The following EP300 variants were observed in gnomAD, a reference collection of about 807,000 sequenced individuals.
The protein encoded by EP300 is histone acetyltransferase p300.
EP300 carries 31 observed loss-of-function variants against 264.0 expected under a neutral mutation model. That is an observed-to-expected ratio of 0.12 (90% CI 0.09 to 0.16). The LOEUF is 0.16. Among genes scored for constraint, EP300 ranks in the 10% least tolerant of loss-of-function variants. The pLI, the probability that EP300 is intolerant of heterozygous loss-of-function variation, is 1.00. For synonymous variants in EP300, 1,340 were observed against 1,045.4 expected, an observed-to-expected ratio of 1.28 and a Z score of -5.44; for missense variants, 2,766 against 3,052.9, an observed-to-expected ratio of 0.91 and a Z score of 2.21.
chr22:41,135,391 T>C (rs1267097031), intron 6 of EP300, among the ~76,000 whole-genome samples: 2 of 152,184 alleles, frequency 1.3e-5, no homozygotes, highest in African/African-American at 4.8e-5. Flanking sequence ...TGTACTTTTA[T>C]ATATATGCAC....
intron 6 of EP300, among the ~76,000 whole-genome samples, chr22:41,131,917 G>T (rs2058922054): frequency 6.6e-6 from 1 of 151,842 alleles, no homozygotes. Flanking sequence ...GTGTAGACGG[G>T]CCGGGCATGG....
rs1444879613 is a variant in EP300 at position 41,127,733 on chromosome 22, G to C, written c.1153G>C (p.Gly385Arg). 6.2e-7 allele frequency: 1 copy of C among 1,614,234 alleles called. No individual in the cohort carries two copies. Among genetic ancestry groups the C allele is most frequent in the Non-Finnish European group, 8.5e-7 (1 of 1,180,048 alleles). ...AAACCACATGACACACTGCCAGTCA[G>C]GCAAGTCTTGCCAAGGTAAGTGGAC... is the stretch of plus-strand genomic sequence containing the variant. ...VLNHMTHCQS[G>R]KSCQVAHCAS... Residue 385 changes from glycine (G) to arginine (R), a missense_variant, in exon 4 of 31, where the codon GGC becomes CGC. Transcript: ENST00000263253.
chr22:41,113,408 T>A (rs2058804764), intron 1 of EP300, among the ~76,000 whole-genome samples: 1 of 152,210 alleles, frequency 6.6e-6, no homozygotes, highest in Non-Finnish European at 1.5e-5. Context: ...TACATTCCTA[T>A]TTCCTGTTTC....
intron 14 of EP300, 140 bp downstream of exon 14, chr22:41,150,338 G>A: frequency 9.1e-7 from 1 of 1,093,590 alleles, no homozygotes; most frequent in Non-Finnish European, 1.3e-6. Context: ...TTTCATTAGG[G>A]ACTTTTGTAT....
chr22:41,173,292 T>G (rs1032973809), intron 28 of EP300, among the ~76,000 whole-genome samples: 2 of 152,232 alleles, frequency 1.3e-5, no homozygotes, highest in Non-Finnish European at 1.5e-5. Flanking sequence ...CTCCCCACTT[T>G]GATACACTCT....
intron 9 of EP300, 70 bp downstream of exon 9, chr22:41,140,327 C>A: frequency 2.9e-6 from 3 of 1,044,762 alleles, no homozygotes; most frequent in Non-Finnish European, 4.5e-6. Context: ...TCCTCTTTAG[C>A]ATGTACAAGT....
intron 21 of EP300, among the ~76,000 whole-genome samples, chr22:41,163,204 G>A (rs2059116745): frequency 6.6e-6 from 1 of 151,798 alleles, no homozygotes; most frequent in African/African-American, 2.4e-5. Context: ...GGGAGGCCGA[G>A]GCGGGCAGAT....
At chr22:41,155,226 G>T in intron 17 of EP300, 113 bp downstream of exon 17, 3 of 951,810 alleles carry the variant, frequency 3.2e-6, no homozygotes, top group Non-Finnish European at 3.3e-6. Flanking sequence ...GTAATTCAGT[G>T]ATTTTTTTTT....
In EP300 at chr22:41,131,772, G is replaced by C. The variant is rs1294233251; in HGVS notation, c.1528+139G>C. On this transcript the variant is annotated intron_variant, in intron 6 of 30. Coordinates refer to ENST00000263253, the MANE Select transcript of EP300 (RefSeq NM_001429.4). ...TTTTTTAAAGATTACAGTGTAAAAG[G>C]TCCCTTACAGTTCATCTACGAGAGG... 3.2e-6 allele frequency: 4 copies of C among 1,239,504 alleles called. No homozygotes were observed. The East Asian group carries it at 9.9e-5, about 31-fold the overall frequency. The allele number at this position is 1,239,504 out of a possible 1,614,324, so 76.8% of individuals were successfully genotyped here.
Position 41,178,406 on chromosome 22 carries a change from A to G in EP300, c.6695A>G (p.Gln2232Arg), listed in dbSNP as rs767941984. 1.2e-6 allele frequency: 2 copies of G among 1,614,046 alleles called. No individual in the cohort carries two copies. ...QQQQRMQHHM[Q>R]QMQQGNMGQI... Reference sequence around the variant, plus strand: ...CAGCAGCGGATGCAGCATCACATGCAACAGATGCAACAAGGAAATATGGGA... The same window carrying G: ...CAGCAGCGGATGCAGCATCACATGCGACAGATGCAACAAGGAAATATGGGA... The change falls in exon 31 of 31, where the codon CAA (glutamine) becomes CGA (arginine). Residue 2232 changes from glutamine to arginine, a missense_variant. Gln to Arg is a conservative substitution (Grantham distance 43). Transcript: ENST00000263253.
At position 41,119,166 on chromosome 22, in the gene EP300, C is replaced by CTTACTA. The variant is rs1555906129; in HGVS notation, c.729+1348_729+1349insCTATTA. On this transcript the variant is annotated intron_variant, in intron 2 of 30. Transcript: ENST00000263253. ...TGAAGGCACATACCACCATGCCTGG[C>CTTACTA]TTATTATTATTTTTTTTTTTTTTTT... Among the ~76,000 whole-genome samples, 10 of 14,716 alleles carry CTTACTA rather than the reference C, an allele frequency of 6.8e-4. No individual in the cohort carries two copies. In the Admixed American group the frequency reaches 0.018, roughly 26 times the overall value. 9.7% of individuals were successfully genotyped at this position (14,716 alleles called of 152,430 possible).
intron 8 of EP300, 91 bp from the exon 9 acceptor site, chr22:41,140,044 TTTTTC>T (rs1389324699): frequency 8.1e-5 from 70 of 867,516 alleles, no homozygotes; most frequent in Non-Finnish European, 1.3e-4. Context: ...TTGCCATTAT[TTTTTC>T]TTTTCCTCTA....
chr22:41,102,543 T>C (rs970501321), intron 1 of EP300, among the ~76,000 whole-genome samples: 2 of 152,190 alleles, frequency 1.3e-5, no homozygotes, highest in African/African-American at 4.8e-5. Context: ...GGAGGGCTTA[T>C]AATACAGGAA....
At chr22:41,153,078 C>T (rs1299446890) in intron 16 of EP300, among the ~76,000 whole-genome samples, 1 of 152,154 alleles carries the variant, frequency 6.6e-6, no homozygotes, top group Non-Finnish European at 1.5e-5. Flanking sequence ...TTCACAACAG[C>T]TCTGAGGTTA....
At chr22:41,153,750 T>TCAAA (rs2059060527) in intron 16 of EP300, among the ~76,000 whole-genome samples, 1 of 152,132 alleles carries the variant, frequency 6.6e-6, no homozygotes, top group African/African-American at 2.4e-5. Flanking sequence ...AGTAATTGTC[T>TCAAA]CAAACAAATA....
At chr22:41,167,560 T>TTGTGTGTG (rs71328777) in intron 23 of EP300, among the ~76,000 whole-genome samples, 24 of 51,112 alleles carry the variant, frequency 4.7e-4, no homozygotes, top group South Asian at 4.0e-3. Context: ...GTTTATATAT[T>TTGTGTGTG]TGTGTGTGTG....
intron 14 of EP300, 48 bp downstream of exon 14, chr22:41,150,246 G>A (rs2059036438): frequency 6.5e-7 from 1 of 1,535,712 alleles, no homozygotes; most frequent in Non-Finnish European, 8.8e-7. Context: ...CTATACTGTA[G>A]TATTATATTA....
chr22:41,139,996 A>G, intron 8 of EP300, 144 bp from the exon 9 acceptor site: 1 of 671,402 alleles, frequency 1.5e-6, no homozygotes, highest in Admixed American at 2.6e-5. Flanking sequence ...GTTTATCACA[A>G]AAAGATAATT....
At chr22:41,152,630 G>C (rs1267820904) in intron 16 of EP300, among the ~76,000 whole-genome samples, 1 of 151,980 alleles carries the variant, frequency 6.6e-6, no homozygotes, top group Non-Finnish European at 1.5e-5. Context: ...TTTCAGGAGA[G>C]AGAAATGTTT....
Sources: gnomAD v4.1 joint callset for allele counts (sites outside exome capture counted in the v4.1 genomes callset) on GRCh38, gnomAD v4.1.1 for gene constraint, MANE v1.5 for transcripts, NCBI Gene and HGNC (gene_info 2026-07-23, HGNC 2026-07-21) for gene names.